Variants in UNC80 observed in about 807,000 individuals in gnomAD.
The protein encoded by UNC80 is unc-80 subunit of NALCN channel complex.
A neutral mutation model predicts 384.6 loss-of-function variants in UNC80; 164 were observed. The ratio of observed to expected loss-of-function variants is 0.43; its 90% CI spans 0.38 to 0.49. The LOEUF is 0.49. Ranked by LOEUF, UNC80 falls within the 20% of genes least tolerant of loss-of-function variation. UNC80 has a pLI of 0.00. For missense variants in UNC80, 3,330 were observed against 4,143.0 expected (o/e 0.80, Z 5.39); for synonymous variants, 1,486 against 1,527.8 (o/e 0.97, Z 0.64).
chr2:209,837,452 T>C (rs1018344885), intron 18 of UNC80, among the ~76,000 whole-genome samples: 1 of 152,184 alleles, frequency 6.6e-6, no homozygotes, highest in Non-Finnish European at 1.5e-5. Flanking sequence ...GTGTATTATG[T>C]TGGAGACATT....
At chr2:209,793,916 T>G in intron 7 of UNC80, 57 bp downstream of exon 7, 12 of 1,602,290 alleles carry the variant, frequency 7.5e-6, no homozygotes, top group Non-Finnish European at 1.0e-5. Context: ...AAATCAAATA[T>G]GCATTTTTAA....
chr2:209,957,819 G>C, intron 49 of UNC80, 83 bp downstream of exon 49: 1 of 1,288,600 alleles, frequency 7.8e-7, no homozygotes, highest in Non-Finnish European at 1.1e-6. Context: ...AAGGAACCCT[G>C]AACATAGTCA....
chr2:209,772,006 G>A lies in UNC80; in HGVS notation c.-67G>A. 3 of 1,039,808 alleles carry A rather than the reference G, an allele frequency of 2.9e-6. No individual in the cohort carries two copies. Among genetic ancestry groups the A allele is most frequent in the Non-Finnish European group, 4.3e-6 (3 of 700,852 alleles). 64.4% of individuals were successfully genotyped at this position (1,039,808 alleles called of 1,614,324 possible). Reference sequence around the variant, plus strand: ...ATGAGAGTTGGGAGCAGCGGGAGGAGGCGGCGGCGGCGGCTAGCGAGGAGA... The same window carrying A: ...ATGAGAGTTGGGAGCAGCGGGAGGAAGCGGCGGCGGCGGCTAGCGAGGAGA... On this transcript the variant is annotated 5_prime_UTR_variant, in exon 1 of 65. Transcript: ENST00000673920.
At chr2:209,816,184 G>T (rs1014658515) in intron 9 of UNC80, among the ~76,000 whole-genome samples, 3 of 152,288 alleles carry the variant, frequency 2.0e-5, no homozygotes, top group African/African-American at 7.2e-5. Context: ...GGCTGCATAT[G>T]ATAATTTTTA....
rs116284404 is a variant in UNC80 at position 209,785,551 on chromosome 2, A to T, written c.601-515A>T. ...AGAAATTAAAGGTTGTTAAGAAGAC[A>T]ACATTACAAAATAATACACTATGAA... On this transcript the variant is annotated intron_variant, in intron 4 of 64. Transcript: ENST00000673920. Among the ~76,000 whole-genome samples, 456 of 152,308 alleles carry T rather than the reference A, an allele frequency of 3.0e-3. 2 individuals carry two copies. Among genetic ancestry groups the T allele is most frequent in the African/African-American group, 0.01 (430 of 41,560 alleles).
Position 209,789,471 on chromosome 2 carries a change from C to G in UNC80, c.725-61C>G, listed in dbSNP as rs1033556302. ...CTTTTCTATTTGAAAATGAAATGAA[C>G]TTATGAAATAAAAAGAACTTAAAAC... On this transcript the variant is annotated intron_variant, in intron 5 of 64. Coordinates refer to ENST00000673920, the MANE Select transcript of UNC80 (RefSeq NM_001371986.1). The G allele has an allele frequency of 7.1e-6, 8 of 1,126,712 alleles. No homozygotes were observed. The African/African-American group carries it at 9.4e-5, about 13-fold the overall frequency. 69.8% of individuals were successfully genotyped at this position (1,126,712 alleles called of 1,614,324 possible).
chr2:209,944,533 G>A (rs1006846751), intron 45 of UNC80, among the ~76,000 whole-genome samples: 3 of 152,096 alleles, frequency 2.0e-5, no homozygotes, highest in Admixed American at 6.6e-5. Context: ...GTGTAGCCTG[G>A]TGCTTGGCAC....
intron 47 of UNC80, 116 bp from the exon 48 acceptor site, chr2:209,953,984 G>A (rs1475831786): frequency 2.3e-5 from 27 of 1,157,636 alleles, no homozygotes; most frequent in Non-Finnish European, 3.1e-5. Context: ...AGTGGCAAGG[G>A]GCCTTAGAAT....
At chr2:209,816,234 C>T (rs2079726905) in intron 9 of UNC80, among the ~76,000 whole-genome samples, 1 of 152,166 alleles carries the variant, frequency 6.6e-6, no homozygotes. Flanking sequence ...CAATCCCAGA[C>T]CAATTAAACC....
chr2:209,906,091 A>G (rs541027809), intron 29 of UNC80, among the ~76,000 whole-genome samples: 1 of 152,356 alleles, frequency 6.6e-6, no homozygotes, highest in South Asian at 2.1e-4. Context: ...AACTAGAAGC[A>G]GAAAATCTTT....
chr2:209,896,356 G>A lies in UNC80; in HGVS notation c.4524G>A (p.Glu1508=). The part of the protein sequence containing the change: ...WSASEPSIEP[E]GMSNAGAEEN... ...CAAGCGAGCCCAGCATTGAGCCAGAGGGAATGAGTAATGCCGGCGCGGAGG... is the reference window on the plus strand; with the variant it reads ...CAAGCGAGCCCAGCATTGAGCCAGAAGGAATGAGTAATGCCGGCGCGGAGG... The change falls in exon 28 of 65, where the codon GAG becomes GAA. Residue 1508 remains glutamate (E), a synonymous_variant. Coordinates refer to ENST00000673920, the MANE Select transcript of UNC80 (RefSeq NM_001371986.1). The A allele has an allele frequency of 6.4e-7, 1 of 1,551,696 alleles. No homozygotes were observed. Among genetic ancestry groups the A allele is most frequent in the East Asian group, 2.4e-5 (1 of 40,912 alleles).
intron 28 of UNC80, among the ~76,000 whole-genome samples, chr2:209,898,418 TA>T (rs1413962612): frequency 6.6e-6 from 1 of 152,186 alleles, no homozygotes; most frequent in East Asian, 1.9e-4. Context: ...ATCATTCAGT[TA>T]AAATATTTTA....
intron 54 of UNC80, 138 bp downstream of exon 54, chr2:209,971,095 T>G (rs1288883341): frequency 1.6e-6 from 2 of 1,235,156 alleles, no homozygotes; most frequent in Non-Finnish European, 2.2e-6. Context: ...CTTTTATAGA[T>G]TTGGAGCTTC....
intron 4 of UNC80, among the ~76,000 whole-genome samples, chr2:209,782,694 AAC>A (rs1038043612): frequency 9.2e-5 from 14 of 152,136 alleles, no homozygotes; most frequent in African/African-American, 1.2e-4. Flanking sequence ...ATCCTTTTGT[AAC>A]ACAGTGTATT....
chr2:209,918,627 C>T lies in UNC80; in HGVS notation c.5307C>T (p.Ser1769=), dbSNP rs142772403. ...MFDPPWVPQC[S]GSVQDPINED... ...ACCCACCGTGGGTTCCTCAGTGCAGCGGGAGTGTCCAGGACCCCATTAATG... is the reference window on the plus strand; with the variant it reads ...ACCCACCGTGGGTTCCTCAGTGCAGTGGGAGTGTCCAGGACCCCATTAATG... The change falls in exon 33 of 65, where the codon AGC becomes AGT. Residue 1769 remains serine, a synonymous_variant. Transcript: ENST00000673920. 1.0e-3 allele frequency: 1,575 copies of T among 1,551,682 alleles called. 14 individuals carry two copies. In the African/African-American group the frequency reaches 0.017, roughly 17 times the overall value.
chr2:209,947,864 T>C (rs1296797943), intron 47 of UNC80, among the ~76,000 whole-genome samples: 2 of 152,218 alleles, frequency 1.3e-5, no homozygotes, highest in African/African-American at 4.8e-5. Context: ...GAGGCACTAC[T>C]ATCCTGATTT....
intron 7 of UNC80, among the ~76,000 whole-genome samples, chr2:209,803,962 C>CAA (rs2078720353): frequency 6.6e-6 from 1 of 152,054 alleles, no homozygotes; most frequent in Non-Finnish European, 1.5e-5. Context: ...GTCTTGAACC[C>CAA]CTGGCCTCAA....
At chr2:209,929,716 G>A (rs1457997360) in intron 36 of UNC80, among the ~76,000 whole-genome samples, 155 bp from the exon 37 acceptor site, 1 of 152,144 alleles carries the variant, frequency 6.6e-6, no homozygotes, top group Non-Finnish European at 1.5e-5. Flanking sequence ...AGACAACAAC[G>A]AAGAGAACAA....
intron 26 of UNC80, among the ~76,000 whole-genome samples, chr2:209,892,224 G>C (rs1030012058): frequency 5.3e-5 from 8 of 152,114 alleles, no homozygotes; most frequent in African/African-American, 1.9e-4. Context: ...GGATGGAGCT[G>C]TCAAAATCCT....
Sources: allele counts gnomAD v4.1 joint callset (sites outside exome capture counted in the v4.1 genomes callset), GRCh38; gene constraint gnomAD v4.1.1; transcripts MANE v1.5; gene names NCBI Gene and HGNC (gene_info 2026-07-23, HGNC 2026-07-21).